The following PLXNA2 variants were observed in gnomAD, a reference collection of about 807,000 sequenced individuals.
The protein encoded by PLXNA2 is plexin-A2.
Under a neutral mutation model 193.5 loss-of-function variants are expected in PLXNA2, and 91 were observed. The ratio of observed to expected loss-of-function variants is 0.47; its 90% CI spans 0.40 to 0.56. The LOEUF (loss-of-function observed/expected upper bound fraction) is 0.56, where lower values mean the gene tolerates loss of function less well. PLXNA2 is among the 20% of genes least tolerant of loss of function. The pLI, the probability that PLXNA2 is intolerant of heterozygous loss-of-function variation, is 0.00. For synonymous variants in PLXNA2, 997 were observed against 1,027.3 expected, an observed-to-expected ratio of 0.97 and a Z score of 0.56; for missense variants, 1,995 against 2,503.2, an observed-to-expected ratio of 0.80 and a Z score of 4.33.
rs528803398 is a variant in PLXNA2, at chr1:208,192,476, C to T, written c.1371+17804G>A. On this transcript the variant is annotated intron_variant, in intron 3 of 31. Transcript: ENST00000367033. ...TTTTAAACAACAAAAAAACCATACT[C>T]CTAACCCTACTAGAAGAAATAGATA... Among the ~76,000 whole-genome samples, 7 of 152,138 alleles carry T rather than the reference C, an allele frequency of 4.6e-5. No homozygotes were observed. In the South Asian group the frequency reaches 1.0e-3, roughly 23 times the overall value.
chr1:208,243,699 G>C lies in PLXNA2; in HGVS notation c.-137C>G, dbSNP rs1182981442. 1 of 152,232 alleles carries C rather than the reference G, an allele frequency of 6.6e-6. No homozygotes were observed. The highest frequency in any genetic ancestry group is 1.5e-5 in the Non-Finnish European group (1 of 68,038). The allele number at this position is 152,232 out of a possible 1,614,324, so 9.4% of individuals were successfully genotyped here. On this transcript the variant is annotated 5_prime_UTR_variant, in exon 1 of 32. Transcript: ENST00000367033. ...CCCCGCTCGGTCTACCTCGGCCGCC[G>C]CCGGCTGCTGAGGGCGGCGCGAGGC...
At chr1:208,192,563 G>A (rs1175430229) in intron 3 of PLXNA2, among the ~76,000 whole-genome samples, 1 of 152,064 alleles carries the variant, frequency 6.6e-6, no homozygotes, top group African/African-American at 2.4e-5. Context: ...AGTTGGGAGT[G>A]GCCTAGAACT....
chr1:208,031,682 C>G lies in PLXNA2; in HGVS notation c.5133G>C (p.Leu1711=). Residue 1711 remains leucine (L), a synonymous_variant, in exon 29 of 32, where the codon CTG becomes CTC. Coordinates refer to ENST00000367033, the MANE Select transcript of PLXNA2 (RefSeq NM_025179.4). ...GGAAATCAAACATGTACTTGATGGCCAGGGGGAGAGCGCTGCCCCGGTGCA... is the reference window on the plus strand; with the variant it reads ...GGAAATCAAACATGTACTTGATGGCGAGGGGGAGAGCGCTGCCCCGGTGCA... ...STVHRGSALP[L]AIKYMFDFLD... The G allele has an allele frequency of 3.1e-6, 5 of 1,613,626 alleles. No homozygotes were observed. Among genetic ancestry groups the G allele is most frequent in the Non-Finnish European group, 4.2e-6 (5 of 1,179,962 alleles).
chr1:208,075,122 C>A (rs909924983), intron 12 of PLXNA2, among the ~76,000 whole-genome samples: 3 of 152,088 alleles, frequency 2.0e-5, no homozygotes, highest in Non-Finnish European at 4.4e-5. Context: ...ACAAGCCTGG[C>A]CAACATAGTG....
At chr1:208,037,597 T>C (rs1664712864) in intron 26 of PLXNA2, among the ~76,000 whole-genome samples, 1 of 152,192 alleles carries the variant, frequency 6.6e-6, no homozygotes, top group Admixed American at 6.5e-5. Context: ...TCTATTTTAG[T>C]ATTTTTTCTG....
intron 4 of PLXNA2, among the ~76,000 whole-genome samples, chr1:208,132,683 T>G (rs1458203412): frequency 6.6e-6 from 1 of 152,152 alleles, no homozygotes; most frequent in African/African-American, 2.4e-5. Flanking sequence ...GGTGTGGCTG[T>G]TTGCAAAGCA....
chr1:208,196,944 T>C (rs1247060343), intron 3 of PLXNA2, among the ~76,000 whole-genome samples: 2 of 152,242 alleles, frequency 1.3e-5, no homozygotes, highest in African/African-American at 4.8e-5. Flanking sequence ...GGGAATCTTA[T>C]TAGGTGTACT....
chr1:208,132,443 G>A (rs1357233047), intron 4 of PLXNA2, among the ~76,000 whole-genome samples: 2 of 152,138 alleles, frequency 1.3e-5, no homozygotes, highest in Non-Finnish European at 2.9e-5. Context: ...CCCTGCTGTT[G>A]GACAGCTTGG....
intron 6 of PLXNA2, among the ~76,000 whole-genome samples, chr1:208,098,454 T>TCACACACACACACA (rs1310601677): frequency 3.3e-4 from 35 of 106,082 alleles, no homozygotes; most frequent in East Asian, 2.5e-3. Context: ...TCTCTCTCTC[T>TCACACACACACACA]CTCTCACACA....
intron 3 of PLXNA2, among the ~76,000 whole-genome samples, chr1:208,194,978 C>A (rs1211102638): frequency 6.6e-6 from 1 of 152,126 alleles, no homozygotes; most frequent in African/African-American, 2.4e-5. Flanking sequence ...AGAGTCCACG[C>A]TGAAGTTTTA....
rs565791187 is a variant in PLXNA2 at position 208,027,146 on chromosome 1, T to A, written c.*97A>T. 1 of 1,123,422 alleles carries A rather than the reference T, an allele frequency of 8.9e-7. No homozygotes were observed. Among genetic ancestry groups the A allele is most frequent in the South Asian group, 1.3e-5 (1 of 77,466 alleles). The allele number at this position is 1,123,422 out of a possible 1,614,324, so 69.6% of individuals were successfully genotyped here. A position where few individuals can be genotyped will look rare whatever the true frequency, so the allele number is the denominator to read the frequency against. ...GATGGGGTCTCAGGGGACAGCAAGC[T>A]CTGGGGCCTGATCCCCATCACTTGT... On this transcript the variant is annotated 3_prime_UTR_variant, in exon 32 of 32. Transcript: ENST00000367033.
chr1:208,111,069 A>G (rs1667457870), intron 4 of PLXNA2, among the ~76,000 whole-genome samples: 1 of 151,930 alleles, frequency 6.6e-6, no homozygotes, highest in Non-Finnish European at 1.5e-5. Flanking sequence ...ATTTTTTTTT[A>G]AACGACAGTC....
At chr1:208,202,180 A>G (rs979741513) in intron 3 of PLXNA2, among the ~76,000 whole-genome samples, 2 of 152,054 alleles carry the variant, frequency 1.3e-5, no homozygotes, top group Non-Finnish European at 1.5e-5. Flanking sequence ...GGGTTTCATC[A>G]TGTTGGCCAG....
chr1:208,233,894 AG>A (rs960960541), intron 1 of PLXNA2, among the ~76,000 whole-genome samples: 1 of 152,124 alleles, frequency 6.6e-6, no homozygotes, highest in African/African-American at 2.4e-5. Flanking sequence ...GCTATTTAAA[AG>A]GGGGGGTCTT....
At chr1:208,199,595 G>A (rs1279070068) in intron 3 of PLXNA2, among the ~76,000 whole-genome samples, 1 of 152,068 alleles carries the variant, frequency 6.6e-6, no homozygotes, top group Non-Finnish European at 1.5e-5. Flanking sequence ...GGAAGCTGAG[G>A]CAGGAGAATC....
chr1:208,190,444 G>A (rs1018402475), intron 3 of PLXNA2, among the ~76,000 whole-genome samples: 1 of 152,162 alleles, frequency 6.6e-6, no homozygotes, highest in Non-Finnish European at 1.5e-5. Context: ...TATGTTGCAG[G>A]GCTGTTAGAA....
intron 3 of PLXNA2, among the ~76,000 whole-genome samples, chr1:208,196,265 T>C (rs1157730941): frequency 6.6e-6 from 1 of 152,106 alleles, no homozygotes; most frequent in African/African-American, 2.4e-5. Flanking sequence ...AAATACCTGT[T>C]TGGTAATTAA....
chr1:208,241,754 G>A (rs1239723362), intron 1 of PLXNA2, among the ~76,000 whole-genome samples: 1 of 152,196 alleles, frequency 6.6e-6, no homozygotes, highest in Non-Finnish European at 1.5e-5. Context: ...TTATCAGCAG[G>A]TCCCTGAAGA....
intron 4 of PLXNA2, among the ~76,000 whole-genome samples, chr1:208,121,822 C>T (rs1667814706): frequency 6.6e-6 from 1 of 152,204 alleles, no homozygotes. Flanking sequence ...TGTACACACA[C>T]TCATGAACAC....
Sources: allele counts gnomAD v4.1 joint callset (sites outside exome capture counted in the v4.1 genomes callset), GRCh38; gene constraint gnomAD v4.1.1; transcripts MANE v1.5; gene names NCBI Gene and HGNC (gene_info 2026-07-23, HGNC 2026-07-21).